The following STXBP5L variants were observed in gnomAD, a reference collection of about 807,000 sequenced individuals.
The protein encoded by STXBP5L is syntaxin-binding protein 5-like.
A neutral mutation model predicts 144.5 loss-of-function variants in STXBP5L; 65 were observed. That is an observed-to-expected ratio of 0.45 (90% CI 0.37 to 0.55). The LOEUF is 0.55. Ranked by LOEUF, STXBP5L falls within the 20% of genes least tolerant of loss-of-function variation. STXBP5L has a pLI of 0.00. For synonymous variants in STXBP5L, 505 were observed against 469.6 expected (o/e 1.08, Z -0.97); for missense variants, 1,298 against 1,405.5 (o/e 0.92, Z 1.22).
At chr3:121,036,169 C>T (rs1275025293) in intron 3 of STXBP5L, among the ~76,000 whole-genome samples, 1 of 152,026 alleles carries the variant, frequency 6.6e-6, no homozygotes, top group Non-Finnish European at 1.5e-5. Flanking sequence ...CCCATCTCTA[C>T]TAAAACTGCA....
chr3:121,029,673 TG>T (rs1946221591), intron 3 of STXBP5L, among the ~76,000 whole-genome samples: 1 of 151,906 alleles, frequency 6.6e-6, no homozygotes, highest in South Asian at 2.1e-4. Flanking sequence ...AAGGCAAAAT[TG>T]ACAAATGGGA....
chr3:121,372,487 T>C (rs967591795), intron 20 of STXBP5L, among the ~76,000 whole-genome samples: 32 of 152,148 alleles, frequency 2.1e-4, no homozygotes, highest in Admixed American at 2.0e-4. Flanking sequence ...CAGATGTCCA[T>C]TGTGGCTAAG....
intron 9 of STXBP5L, chr3:121,158,173 A>T (rs560552262): frequency 6.6e-6 from 1 of 152,452 alleles, no homozygotes; most frequent in South Asian, 2.1e-4. Flanking sequence ...TTAATTGAGG[A>T]TTTATATTGG....
rs371323083 is a variant in STXBP5L at position 121,171,078 on chromosome 3, CA to C, written c.877+13453del. Among the ~76,000 whole-genome samples the C allele has an allele frequency of 6.0e-4, 91 of 152,258 alleles. No homozygotes were observed. The East Asian group carries it at 0.011, about 18-fold the overall frequency. Reference sequence around the variant, plus strand: ...ATGTAAACCATCACATAAACAGAATCAATGAGAACAACCACATGATTTTCTC... The same window carrying C: ...ATGTAAACCATCACATAAACAGAATCATGAGAACAACCACATGATTTTCTC... On this transcript the variant is annotated intron_variant, in intron 9 of 26. Transcript: ENST00000471454.
chr3:121,006,975 C>G (rs997223551), intron 3 of STXBP5L, among the ~76,000 whole-genome samples: 1 of 152,080 alleles, frequency 6.6e-6, no homozygotes, highest in African/African-American at 2.4e-5. Flanking sequence ...CTCTGGCTAC[C>G]CTTAACATTT....
chr3:121,062,757 G>A (rs1488017483), intron 5 of STXBP5L, among the ~76,000 whole-genome samples: 1 of 151,898 alleles, frequency 6.6e-6, no homozygotes, highest in South Asian at 2.1e-4. Context: ...TCATTAAGTT[G>A]CTCTTCATTC....
At chr3:120,921,095 CAAT>C (rs548187537) in intron 2 of STXBP5L, among the ~76,000 whole-genome samples, 57 of 151,998 alleles carry the variant, frequency 3.8e-4, no homozygotes, top group Non-Finnish European at 6.9e-4. Flanking sequence ...TTCACACCAA[CAAT>C]GTGTGAGTTC....
chr3:121,372,749 T>A (rs983056911), intron 20 of STXBP5L, among the ~76,000 whole-genome samples: 2 of 152,114 alleles, frequency 1.3e-5, no homozygotes, highest in Non-Finnish European at 2.9e-5. Flanking sequence ...GGTCTCTTGG[T>A]GGGAGATGTT....
chr3:120,999,633 T>A (rs1291361046), intron 3 of STXBP5L, among the ~76,000 whole-genome samples: 1 of 152,106 alleles, frequency 6.6e-6, no homozygotes, highest in Non-Finnish European at 1.5e-5. Flanking sequence ...CTGGGGTTTT[T>A]TTTTGTGGAC....
intron 22 of STXBP5L, among the ~76,000 whole-genome samples, chr3:121,387,984 A>G (rs1260469883): frequency 6.6e-6 from 1 of 152,192 alleles, no homozygotes; most frequent in Non-Finnish European, 1.5e-5. Context: ...TCTATAAATT[A>G]CCTTGGGCAG....
intron 20 of STXBP5L, among the ~76,000 whole-genome samples, chr3:121,354,410 G>A (rs151220159): frequency 6.6e-6 from 1 of 151,196 alleles, no homozygotes; most frequent in Non-Finnish European, 1.5e-5. Flanking sequence ...TCTTCTTGTT[G>A]AATTGAACCC....
chr3:121,030,203 A>T (rs1024544298), intron 3 of STXBP5L, among the ~76,000 whole-genome samples: 1 of 152,218 alleles, frequency 6.6e-6, no homozygotes, highest in African/African-American at 2.4e-5. Context: ...ATTATAAATC[A>T]TGCTGCTATA....
intron 3 of STXBP5L, among the ~76,000 whole-genome samples, chr3:120,977,173 G>A (rs934001882): frequency 2.0e-5 from 3 of 152,114 alleles, no homozygotes; most frequent in Non-Finnish European, 2.9e-5. Flanking sequence ...ATATTGTGTG[G>A]GAGTCTAAGT....
intron 20 of STXBP5L, among the ~76,000 whole-genome samples, chr3:121,340,977 T>C (rs557302858): frequency 9.9e-5 from 15 of 152,144 alleles, no homozygotes; most frequent in African/African-American, 2.9e-4. Flanking sequence ...GCAAGTCTCA[T>C]GGTAACCTCA....
chr3:121,181,834 A>G (rs1372912331), intron 9 of STXBP5L, among the ~76,000 whole-genome samples: 1 of 152,150 alleles, frequency 6.6e-6, no homozygotes, highest in Non-Finnish European at 1.5e-5. Context: ...AAGGACTCAC[A>G]TAAACTTCAG....
chr3:121,225,253 C>T (rs2108295858), intron 11 of STXBP5L, among the ~76,000 whole-genome samples: 1 of 152,126 alleles, frequency 6.6e-6, no homozygotes. Flanking sequence ...TCCTTGAGTA[C>T]ATCCCCAGCT....
At chr3:121,116,401 C>T (rs1344662164) in intron 6 of STXBP5L, among the ~76,000 whole-genome samples, 1 of 151,988 alleles carries the variant, frequency 6.6e-6, no homozygotes, top group African/African-American at 2.4e-5. Context: ...CATGATACTC[C>T]TTTTGTATTA....
At chr3:121,390,376 A>G (rs1420353091) in intron 22 of STXBP5L, among the ~76,000 whole-genome samples, 1 of 152,144 alleles carries the variant, frequency 6.6e-6, no homozygotes, top group African/African-American at 2.4e-5. Flanking sequence ...TGGGGCATTT[A>G]GCTCATTTAC....
rs1577225918 is a variant in STXBP5L at position 121,212,992 on chromosome 3, C to T, written c.956+6991C>T. On this transcript the variant is annotated intron_variant, in intron 10 of 26. Transcript: ENST00000471454. ...TTTGTAGCAATTGTGAATGTAAGTT[C>T]ACTCACGATTTGGCTCTCTGTCTGT... Among the ~76,000 whole-genome samples the T allele has an allele frequency of 2.0e-5, 3 of 152,214 alleles. No individual in the cohort carries two copies. In the East Asian group the frequency reaches 5.8e-4, roughly 29 times the overall value.
Sources: allele counts gnomAD v4.1 joint callset (sites outside exome capture counted in the v4.1 genomes callset), GRCh38; gene constraint gnomAD v4.1.1; transcripts MANE v1.5; gene names NCBI Gene and HGNC (gene_info 2026-07-23, HGNC 2026-07-21).